BASP1: variants seen among roughly 807,000 people sequenced by gnomAD.
BASP1 encodes the protein brain acid soluble protein 1.
Under a neutral mutation model 2.2 loss-of-function variants are expected in BASP1, and 1 was observed. The ratio of observed to expected loss-of-function variants is 0.46; its 90% CI spans 0.16 to 2.17. The LOEUF (loss-of-function observed/expected upper bound fraction) is 2.17, where lower values mean the gene tolerates loss of function less well. BASP1 is among the 30% of genes most tolerant of loss of function. The probability of loss-of-function intolerance (pLI) is 0.27; values close to 1 mark genes in which losing one functional copy is unlikely to be tolerated. For synonymous variants in BASP1, 187 were observed against 154.2 expected, an observed-to-expected ratio of 1.21 and a Z score of -1.58; for missense variants, 352 against 327.2, an observed-to-expected ratio of 1.08 and a Z score of -0.58.
chr5:17,235,541 C>G (rs958091569), intron 1 of BASP1, among the ~76,000 whole-genome samples: 2 of 152,120 alleles, frequency 1.3e-5, no homozygotes, highest in Non-Finnish European at 2.9e-5. Context: ...GGATTACAGG[C>G]GTGAGCCACC....
rs140918164 is a variant in BASP1, at chr5:17,251,935, C to T, written c.-9-23273C>T. On this transcript the variant is annotated intron_variant, in intron 1 of 1. Transcript: ENST00000322611. The surrounding 1 kb of genome is among the most constrained non-coding windows in gnomAD (Gnocchi z 4.0). ...GAAGCTCAAGAAATAATCTAGTGGG[C>T]GCTAGAGTGTAGACAAAGAATCCTC... is the stretch of plus-strand genomic sequence containing the variant. 2.2e-3 allele frequency among the ~76,000 whole-genome samples: 335 copies of T among 152,182 alleles called. 1 individual carries two copies. Among genetic ancestry groups the T allele is most frequent in the South Asian group, 7.9e-3 (38 of 4,814 alleles).
chr5:17,264,205 C>T (rs1337448806), intron 1 of BASP1, among the ~76,000 whole-genome samples: 1 of 152,094 alleles, frequency 6.6e-6, no homozygotes, highest in Non-Finnish European at 1.5e-5. Flanking sequence ...TTTTAGATTT[C>T]TTTCTTCTGA....
chr5:17,244,841 G>A lies in BASP1; in HGVS notation c.-10+27031G>A, dbSNP rs192148226. ...TGAGTAGCTGGGACTACAGATGTGCGCCACCATGCCCAGCTAATTTTGTAG... is the reference window on the plus strand; with the variant it reads ...TGAGTAGCTGGGACTACAGATGTGCACCACCATGCCCAGCTAATTTTGTAG... On this transcript the variant is annotated intron_variant, in intron 1 of 1. Coordinates refer to ENST00000322611, the MANE Select transcript of BASP1 (RefSeq NM_006317.5). Among the ~76,000 whole-genome samples, 487 of 151,144 alleles carry A rather than the reference G, an allele frequency of 3.2e-3. 4 individuals are homozygous for A. Among genetic ancestry groups the A allele is most frequent in the African/African-American group, 0.011 (452 of 41,310 alleles).
chr5:17,255,896 C>T (rs543754318), intron 1 of BASP1, among the ~76,000 whole-genome samples: 45 of 152,282 alleles, frequency 3.0e-4, no homozygotes, highest in Admixed American at 5.2e-4. Context: ...CATTTAGCAA[C>T]GTCCTGCACA....
chr5:17,241,525 A>G (rs1739863366), intron 1 of BASP1, among the ~76,000 whole-genome samples: 1 of 152,220 alleles, frequency 6.6e-6, no homozygotes, highest in Non-Finnish European at 1.5e-5. Context: ...GTAACCCAGA[A>G]CATCTTAGTT....
intron 1 of BASP1, among the ~76,000 whole-genome samples, chr5:17,248,426 A>G (rs1052482498): frequency 1.2e-4 from 18 of 152,222 alleles, no homozygotes; most frequent in African/African-American, 4.3e-4. Context: ...ATGTCAATAC[A>G]TATATGGTAT....
Position 17,275,084 on chromosome 5 carries a change from G to A in BASP1, c.-9-124G>A. 3 of 775,882 alleles carry A rather than the reference G, an allele frequency of 3.9e-6. No individual in the cohort carries two copies. In the Admixed American group the frequency reaches 8.6e-5, roughly 22 times the overall value. The allele number at this position is 775,882 out of a possible 1,614,324, so 48.1% of individuals were successfully genotyped here. ...ACTGTGCCTAACTATAGTTTACCAT[G>A]CCACCCCTTTGGGGTGTGCAGTGCA... On this transcript the variant is annotated intron_variant, in intron 1 of 1. Transcript: ENST00000322611. The surrounding 1 kb of genome is among the most constrained non-coding windows in gnomAD (Gnocchi z 5.3).
rs1336834673 is a variant in BASP1 at position 17,236,670 on chromosome 5, AT to A, written c.-10+18865del. On this transcript the variant is annotated intron_variant, in intron 1 of 1. Coordinates refer to ENST00000322611, the MANE Select transcript of BASP1 (RefSeq NM_006317.5). This position sits in a 1 kb window ranked among gnomAD's most constrained non-coding sequence, Gnocchi z 4.0. The stretch of plus-strand genomic sequence containing the variant: ...TCCTGAGAGCAGGTCCTAAGAGTTT[AT>A]TTTTCATGTTATTGTTGGAAATAAA... Among the ~76,000 whole-genome samples, 24 of 152,206 alleles carry A rather than the reference AT, an allele frequency of 1.6e-4. No individual in the cohort carries two copies. Among genetic ancestry groups the A allele is most frequent in the African/African-American group, 4.8e-4 (20 of 41,520 alleles).
chr5:17,275,417 G>A lies in BASP1; in HGVS notation c.201G>A (p.Glu67=), dbSNP rs1238057757. 3 of 1,552,286 alleles carry A rather than the reference G, an allele frequency of 1.9e-6. No individual in the cohort carries two copies. Among genetic ancestry groups the A allele is most frequent in the Non-Finnish European group, 2.6e-6 (3 of 1,151,516 alleles). ...KPDQDAEGKA[E]EKEGEKDAAA... ...ACCAGGACGCCGAGGGCAAGGCCGAGGAGAAGGAGGGCGAGAAGGACGCGG... is the reference window on the plus strand; with the variant it reads ...ACCAGGACGCCGAGGGCAAGGCCGAAGAGAAGGAGGGCGAGAAGGACGCGG... Residue 67 remains glutamate, a synonymous_variant, in exon 2 of 2, where the codon GAG becomes GAA. Coordinates refer to ENST00000322611, the MANE Select transcript of BASP1 (RefSeq NM_006317.5). This position sits in a 1 kb window ranked among gnomAD's most constrained non-coding sequence, Gnocchi z 5.3.
At position 17,275,971 on chromosome 5, in the gene BASP1, ATCTCTCTC is replaced by A; in HGVS notation, c.*75_*82del. The A allele has an allele frequency of 4.9e-6, 4 of 812,832 alleles. No homozygotes were observed. The highest frequency in any genetic ancestry group is 6.8e-6 in the Non-Finnish European group (4 of 585,712). The allele number at this position is 812,832 out of a possible 1,614,324, so 50.4% of individuals were successfully genotyped here. A position where few individuals can be genotyped will look rare whatever the true frequency, so the allele number is the denominator to read the frequency against. The stretch of plus-strand genomic sequence containing the variant: ...TCTCTCTCTCTCTCTCTCTCTCTCT[ATCTCTCTC>A]TCTATCTCCTCTCTCTCTCTCCTCT... On this transcript the variant is annotated 3_prime_UTR_variant, in exon 2 of 2. Transcript: ENST00000322611. This position sits in a 1 kb window ranked among gnomAD's most constrained non-coding sequence, Gnocchi z 5.3.
chr5:17,242,834 A>G (rs1436570705), intron 1 of BASP1, among the ~76,000 whole-genome samples: 2 of 152,052 alleles, frequency 1.3e-5, no homozygotes, highest in Non-Finnish European at 2.9e-5. Context: ...AGGAAAAAAA[A>G]AGTCAACTCA....
At chr5:17,250,372 A>T (rs1168163780) in intron 1 of BASP1, among the ~76,000 whole-genome samples, 2 of 152,198 alleles carry the variant, frequency 1.3e-5, no homozygotes, top group East Asian at 1.9e-4. Context: ...AATTTTCAGC[A>T]TTGACTTTAT....
At chr5:17,242,849 A>T (rs1237300800) in intron 1 of BASP1, among the ~76,000 whole-genome samples, 2 of 140,896 alleles carry the variant, frequency 1.4e-5, no homozygotes, top group Admixed American at 7.0e-5. Context: ...AACTCAGTTT[A>T]AAAAAAAAAA....
chr5:17,272,351 T>C (rs1740546928), intron 1 of BASP1, among the ~76,000 whole-genome samples: 1 of 152,122 alleles, frequency 6.6e-6, no homozygotes, highest in Non-Finnish European at 1.5e-5. Flanking sequence ...ATCCCCTCTG[T>C]GGTGCCTTCC....
chr5:17,225,086 G>T (rs952931077), intron 1 of BASP1, among the ~76,000 whole-genome samples: 13 of 152,192 alleles, frequency 8.5e-5, no homozygotes, highest in African/African-American at 2.9e-4. Flanking sequence ...TTAGTGGGTT[G>T]CTCAGAGTCC....
intron 1 of BASP1, among the ~76,000 whole-genome samples, chr5:17,220,478 A>T (rs896552675): frequency 1.3e-5 from 2 of 152,232 alleles, no homozygotes; most frequent in East Asian, 3.8e-4. Flanking sequence ...ATCGATTTTT[A>T]AAAATTATTA....
At chr5:17,239,621 A>G (rs1282534814) in intron 1 of BASP1, among the ~76,000 whole-genome samples, 3 of 152,176 alleles carry the variant, frequency 2.0e-5, no homozygotes, top group Non-Finnish European at 2.9e-5. Flanking sequence ...CAATCTTGTA[A>G]TACAACTTTG....
At chr5:17,257,771 T>C (rs749217084) in intron 1 of BASP1, among the ~76,000 whole-genome samples, 16 of 152,182 alleles carry the variant, frequency 1.1e-4, no homozygotes, top group Admixed American at 1.3e-4. Flanking sequence ...TTTTCTGAAA[T>C]GTGAACTTTA....
intron 1 of BASP1, among the ~76,000 whole-genome samples, chr5:17,257,838 C>T (rs1165546340): frequency 6.6e-6 from 1 of 152,146 alleles, no homozygotes; most frequent in Non-Finnish European, 1.5e-5. Context: ...AGGCTATAAA[C>T]CTTGAACAAT....
Sources: gnomAD v4.1 joint callset for allele counts (sites outside exome capture counted in the v4.1 genomes callset) on GRCh38, gnomAD v4.1.1 for gene constraint, Gnocchi (gnomAD v3.1) non-coding constraint, MANE v1.5 for transcripts, NCBI Gene and HGNC (gene_info 2026-07-23, HGNC 2026-07-21) for gene names.